Variants in DIP2B observed in about 807,000 individuals in gnomAD.
The protein encoded by DIP2B is DIP2 acetate--CoA ligase B (putative).
Under a neutral mutation model 198.0 loss-of-function variants are expected in DIP2B, and 76 were observed. The ratio of observed to expected loss-of-function variants is 0.38; its 90% CI spans 0.32 to 0.46. The LOEUF (loss-of-function observed/expected upper bound fraction) is 0.46. Among genes scored for constraint, DIP2B ranks in the 20% least tolerant of loss-of-function variants. The pLI is 0.99. For missense variants in DIP2B, 1,559 were observed against 1,978.4 expected (o/e 0.79, Z 4.02); for synonymous variants, 701 against 739.1 (o/e 0.95, Z 0.84).
At chr12:50,714,080 A>G (rs1242131025) in intron 22 of DIP2B, among the ~76,000 whole-genome samples, 3 of 152,252 alleles carry the variant, frequency 2.0e-5, no homozygotes. Flanking sequence ...CAGCTGACAG[A>G]ATGAGACCCT....
chr12:50,515,750 G>C (rs1363731929), intron 1 of DIP2B, among the ~76,000 whole-genome samples: 1 of 152,170 alleles, frequency 6.6e-6, no homozygotes, highest in Non-Finnish European at 1.5e-5. Flanking sequence ...TGTCATGGCT[G>C]TGCACGTGGT....
intron 3 of DIP2B, among the ~76,000 whole-genome samples, chr12:50,643,443 G>A (rs1389272716): frequency 6.7e-6 from 1 of 149,662 alleles, no homozygotes; most frequent in Non-Finnish European, 1.5e-5. Flanking sequence ...GTGTGTGTGT[G>A]TGTGTGTGTT....
At chr12:50,634,933 A>C (rs773064943) in intron 2 of DIP2B, among the ~76,000 whole-genome samples, 1 of 152,138 alleles carries the variant, frequency 6.6e-6, no homozygotes. Flanking sequence ...TCTACACATT[A>C]TAGAGTGGTC....
intron 3 of DIP2B, among the ~76,000 whole-genome samples, chr12:50,657,389 T>C (rs1938573024): frequency 6.6e-6 from 1 of 152,160 alleles, no homozygotes; most frequent in African/African-American, 2.4e-5. Context: ...AAGTTTACAG[T>C]GAGTTTATTT....
intron 1 of DIP2B, among the ~76,000 whole-genome samples, chr12:50,536,194 A>G (rs555658509): frequency 2.6e-4 from 40 of 152,252 alleles, no homozygotes; most frequent in African/African-American, 7.9e-4. Flanking sequence ...CATGATTTAT[A>G]GTCCTTTGGG....
chr12:50,549,873 C>A (rs188733828), intron 1 of DIP2B, among the ~76,000 whole-genome samples: 6 of 151,586 alleles, frequency 4.0e-5, no homozygotes, highest in Admixed American at 3.9e-4. Flanking sequence ...TTGTTTTTTT[C>A]TTTTTTAGAT....
At chr12:50,642,027 G>A (rs1202428261) in intron 3 of DIP2B, among the ~76,000 whole-genome samples, 1 of 151,946 alleles carries the variant, frequency 6.6e-6, no homozygotes. Context: ...AATGAGAAAA[G>A]GACACAGTTG....
intron 20 of DIP2B, among the ~76,000 whole-genome samples, chr12:50,706,283 T>G (rs1939511814): frequency 6.6e-6 from 1 of 152,168 alleles, no homozygotes; most frequent in Non-Finnish European, 1.5e-5. Flanking sequence ...TTAATGAAGT[T>G]CCTCCCTAAA....
At chr12:50,537,238 G>A (rs932221531) in intron 1 of DIP2B, among the ~76,000 whole-genome samples, 1 of 146,720 alleles carries the variant, frequency 6.8e-6, no homozygotes, top group African/African-American at 2.5e-5. Context: ...TGGGATTATA[G>A]GCTAGAGCCA....
At chr12:50,606,912 T>C (rs1368168429) in intron 1 of DIP2B, among the ~76,000 whole-genome samples, 1 of 152,080 alleles carries the variant, frequency 6.6e-6, no homozygotes, top group Non-Finnish European at 1.5e-5. Flanking sequence ...GCTGAAATGA[T>C]TCTGTCACCT....
At chr12:50,516,319 A>C (rs1958065040) in intron 1 of DIP2B, among the ~76,000 whole-genome samples, 1 of 151,788 alleles carries the variant, frequency 6.6e-6, no homozygotes, top group Admixed American at 6.6e-5. Context: ...CAGTGGCGAG[A>C]TCATAGCTCA....
chr12:50,736,975 T>C (rs1940149705), intron 34 of DIP2B, 61 bp from the exon 35 acceptor site: 1 of 1,556,518 alleles, frequency 6.4e-7, no homozygotes. Flanking sequence ...TAACCGTGCG[T>C]TTCCTGGAGG....
intron 1 of DIP2B, among the ~76,000 whole-genome samples, chr12:50,540,185 T>G (rs1018999502): frequency 6.6e-6 from 1 of 150,496 alleles, no homozygotes; most frequent in Non-Finnish European, 1.5e-5. Flanking sequence ...CTCGGCTCAT[T>G]GCATCCTGCA....
intron 1 of DIP2B, among the ~76,000 whole-genome samples, chr12:50,556,645 C>T (rs1958474246): frequency 6.6e-6 from 1 of 151,216 alleles, no homozygotes; most frequent in Non-Finnish European, 1.5e-5. Flanking sequence ...CGGGTTCAAG[C>T]GATTCTCCTG....
intron 35 of DIP2B, 105 bp downstream of exon 35, chr12:50,737,215 T>A: frequency 9.6e-7 from 1 of 1,041,464 alleles, no homozygotes; most frequent in East Asian, 2.5e-5. Context: ...TCCCCCGTTG[T>A]GAATGGAGTT....
intron 20 of DIP2B, 93 bp downstream of exon 20, chr12:50,704,313 G>A (rs1332365210): frequency 9.1e-6 from 11 of 1,206,690 alleles, no homozygotes; most frequent in Admixed American, 2.5e-5. Context: ...TAGTCCAAGA[G>A]TGTTACAGAA....
At chr12:50,656,017 A>G (rs1389109454) in intron 3 of DIP2B, among the ~76,000 whole-genome samples, 2 of 152,188 alleles carry the variant, frequency 1.3e-5, no homozygotes, top group Non-Finnish European at 2.9e-5. Context: ...CTTCCTGTGT[A>G]TGGTAGGATT....
chr12:50,623,786 C>G (rs1327446977), intron 1 of DIP2B, among the ~76,000 whole-genome samples: 1 of 152,192 alleles, frequency 6.6e-6, no homozygotes. Flanking sequence ...ATCCTCAGCA[C>G]TGCTGGCATT....
At chr12:50,678,260 A>G (rs1029151255) in intron 7 of DIP2B, among the ~76,000 whole-genome samples, 1 of 152,032 alleles carries the variant, frequency 6.6e-6, no homozygotes, top group Non-Finnish European at 1.5e-5. Flanking sequence ...TAAAAAGTCA[A>G]TGTAAACTTG....
Sources: allele counts gnomAD v4.1 joint callset (sites outside exome capture counted in the v4.1 genomes callset), GRCh38; gene constraint gnomAD v4.1.1; transcripts MANE v1.5; gene names NCBI Gene and HGNC (gene_info 2026-07-23, HGNC 2026-07-21).